Variants in OTUD4 observed in about 807,000 individuals in gnomAD.
The protein encoded by OTUD4 is OTU domain-containing protein 4.
Under a neutral mutation model 130.4 loss-of-function variants are expected in OTUD4, and 24 were observed. That is an observed-to-expected ratio of 0.18 (90% CI 0.13 to 0.26). The LOEUF is 0.26. Ranked by LOEUF, OTUD4 falls within the 10% of genes least tolerant of loss-of-function variation. The pLI is 1.00. For synonymous variants in OTUD4, 420 were observed against 472.5 expected (o/e 0.89, Z 1.44); for missense variants, 1,031 against 1,329.4 (o/e 0.78, Z 3.49).
At chr4:145,138,787 T>G in intron 20 of OTUD4, 137 bp from the exon 21 acceptor site, 1 of 683,732 alleles carries the variant, frequency 1.5e-6, no homozygotes. Flanking sequence ...GTCCAAATAC[T>G]AAATCACTGT....
At chr4:145,144,653 A>G (rs939071640) in intron 14 of OTUD4, among the ~76,000 whole-genome samples, 1 of 152,198 alleles carries the variant, frequency 6.6e-6, no homozygotes, top group South Asian at 2.1e-4. Flanking sequence ...TTAAGCAATC[A>G]GATTTCAACT....
intron 13 of OTUD4, among the ~76,000 whole-genome samples, chr4:145,148,004 T>C (rs1750900967): frequency 1.3e-5 from 2 of 152,234 alleles, no homozygotes; most frequent in Non-Finnish European, 2.9e-5. Context: ...ACTAACCTAA[T>C]GACAAACTGC....
chr4:145,155,493 G>C lies in OTUD4; in HGVS notation c.809-18C>G. Reference sequence around the variant, plus strand: ...TTGCTGAGCTGTTAAAAAAAAAAAGGTCAGTATAATATAAAGTTGACTTAT... The same window carrying C: ...TTGCTGAGCTGTTAAAAAAAAAAAGCTCAGTATAATATAAAGTTGACTTAT... On this transcript the variant is annotated intron_variant, in intron 9 of 20. Transcript: ENST00000447906. 1 of 1,599,368 alleles carries C rather than the reference G, an allele frequency of 6.3e-7. No homozygotes were observed. The highest frequency in any genetic ancestry group is 1.1e-5 in the South Asian group (1 of 88,444).
At chr4:145,154,281 A>G (rs1228649663) in intron 10 of OTUD4, among the ~76,000 whole-genome samples, 2 of 152,220 alleles carry the variant, frequency 1.3e-5, no homozygotes, top group South Asian at 4.1e-4. Flanking sequence ...TGACAATCCC[A>G]TAAGGCAGTA....
chr4:145,138,592 T>C lies in OTUD4; in HGVS notation c.2183A>G (p.Tyr728Cys), dbSNP rs1165860202. 16 of 1,613,646 alleles carry C rather than the reference T, an allele frequency of 9.9e-6. No homozygotes were observed. Among genetic ancestry groups the C allele is most frequent in the Non-Finnish European group, 1.1e-5 (13 of 1,179,776 alleles). The change falls in exon 21 of 21, where the codon TAC (tyrosine) becomes TGC (cysteine). Residue 728 changes from tyrosine to cysteine, a missense_variant. This residue lies in a region of OTUD4 where 900 missense variants were observed against 1,095.9 expected (regional missense o/e 0.82). Transcript: ENST00000447906. ...TGGGTACATCCTGCAGGCTGCCAGGTAGGCCTGGTGCAGAGGGTACAGGTA... is the reference window on the plus strand; with the variant it reads ...TGGGTACATCCTGCAGGCTGCCAGGCAGGCCTGGTGCAGAGGGTACAGGTA... ...HSYLYPLHQA[Y>C]LAACRMYPKV... is the part of the protein sequence containing the mutation.
chr4:145,134,968 T>C lies in OTUD4; in HGVS notation c.*2462A>G. 2 of 398,100 alleles carry C rather than the reference T, an allele frequency of 5.0e-6. No individual in the cohort carries two copies. Among genetic ancestry groups the C allele is most frequent in the African/African-American group, 2.1e-5 (1 of 48,730 alleles). The allele number at this position is 398,100 out of a possible 1,614,324, so 24.7% of individuals were successfully genotyped here. The stretch of plus-strand genomic sequence containing the variant: ...GCCTCTATTCTCTTATAAAGAAATA[T>C]GTCAACATAACAGTATGACATAACA... On this transcript the variant is annotated 3_prime_UTR_variant, in exon 21 of 21. Coordinates refer to ENST00000447906, the MANE Select transcript of OTUD4 (RefSeq NM_001366057.1).
chr4:145,145,501 G>A (rs897802709), intron 14 of OTUD4, among the ~76,000 whole-genome samples: 4 of 151,946 alleles, frequency 2.6e-5, no homozygotes, highest in Non-Finnish European at 4.4e-5. Context: ...GTTTTATACT[G>A]GTATACTGGG....
rs1750354608 is a variant in OTUD4 at position 145,137,807 on chromosome 4, C to T, written c.2968G>A (p.Glu990Lys). 2 of 1,614,014 alleles carry T rather than the reference C, an allele frequency of 1.2e-6. No homozygotes were observed. Among genetic ancestry groups the T allele is most frequent in the Non-Finnish European group, 1.7e-6 (2 of 1,180,002 alleles). ...EPKRTIQSLK[E>K]KTEKVKDPKT... ...GGATCTTTTACTTTTTCTGTTTTTT[C>T]TTTCAGGCTTTGAATGGTCCTTTTA... Residue 990 changes from glutamate (E) to lysine (K), a missense_variant, in exon 21 of 21, where the codon GAA (glutamate) becomes AAA (lysine). Around this residue, in one of 3 missense-constraint regions of OTUD4, gnomAD observed 900 missense variants for 1,095.9 expected, o/e 0.82. Coordinates refer to ENST00000447906, the MANE Select transcript of OTUD4 (RefSeq NM_001366057.1).
At chr4:145,163,367 C>T (rs541823233) in intron 5 of OTUD4, among the ~76,000 whole-genome samples, 42 of 152,280 alleles carry the variant, frequency 2.8e-4, no homozygotes, top group African/African-American at 8.9e-4. Flanking sequence ...TATAATAAGT[C>T]AGTTGATCTT....
rs143751740 is a variant in OTUD4 at position 145,141,420 on chromosome 4, G to T, written c.2042C>A (p.Pro681Gln). 2.2e-5 allele frequency: 35 copies of T among 1,613,330 alleles called. No individual in the cohort carries two copies. Among genetic ancestry groups the T allele is most frequent in the Non-Finnish European group, 2.9e-5 (34 of 1,179,596 alleles). ...CNEKGDRAIV[P>Q]PYSLCQTGED... ...CCCAGTCTGACACAGTGAATAAGGTGGTACAATGGCTCGATCTCCCTTTTC... is the reference window on the plus strand; with the variant it reads ...CCCAGTCTGACACAGTGAATAAGGTTGTACAATGGCTCGATCTCCCTTTTC... The change falls in exon 19 of 21, where the codon CCA becomes CAA. Residue 681 changes from proline (P) to glutamine (Q), a missense_variant. Physicochemically the swap from Pro to Gln is moderately conservative, Grantham distance 76. Around this residue, in one of 3 missense-constraint regions of OTUD4, gnomAD observed 900 missense variants for 1,095.9 expected, o/e 0.82. Transcript: ENST00000447906.
At chr4:145,174,879 G>C (rs868634004) in intron 1 of OTUD4, 135 bp from the exon 2 acceptor site, 1 of 608,696 alleles carries the variant, frequency 1.6e-6, no homozygotes, top group African/African-American at 1.8e-5. Flanking sequence ...CTATAATTTC[G>C]ATATCTTTAC....
intron 16 of OTUD4, 83 bp from the exon 17 acceptor site, chr4:145,143,528 C>A: frequency 1.3e-6 from 1 of 777,712 alleles, no homozygotes; most frequent in Non-Finnish European, 2.2e-6. Flanking sequence ...TATAATTCAC[C>A]CTACCTGTAT....
Position 145,141,634 on chromosome 4 carries a change from G to A in OTUD4, c.1828C>T (p.Pro610Ser). 2 of 1,524,286 alleles carry A rather than the reference G, an allele frequency of 1.3e-6. No individual in the cohort carries two copies. The highest frequency in any genetic ancestry group is 1.8e-6 in the Non-Finnish European group (2 of 1,137,494). 94.4% of individuals were successfully genotyped at this position (1,524,286 alleles called of 1,614,324 possible). ...ACTGACAAAACGGGAATTGGAGCAGGGACACCTACAAAAGAGAAGAAAAGG... is the reference window on the plus strand; with the variant it reads ...ACTGACAAAACGGGAATTGGAGCAGAGACACCTACAAAAGAGAAGAAAAGG... ...EPTTFGPTGV[P>S]APIPVLSVTQ... Residue 610 changes from proline (P) to serine (S), a missense_variant, in exon 19 of 21, where the codon CCT (proline) becomes TCT (serine). Around this residue, in one of 3 missense-constraint regions of OTUD4, gnomAD observed 900 missense variants for 1,095.9 expected, o/e 0.82. Transcript: ENST00000447906.
At chr4:145,142,915 G>A (rs1750633568) in intron 17 of OTUD4, among the ~76,000 whole-genome samples, 1 of 151,926 alleles carries the variant, frequency 6.6e-6, no homozygotes, top group Non-Finnish European at 1.5e-5. Context: ...TTTGTAAATT[G>A]GTATTTTTTT....
intron 5 of OTUD4, among the ~76,000 whole-genome samples, chr4:145,163,010 G>A (rs904299489): frequency 5.3e-5 from 8 of 152,008 alleles, no homozygotes; most frequent in Non-Finnish European, 8.8e-5. Context: ...TAAAGAACAA[G>A]ACACTGTAAG....
At chr4:145,156,450 C>A (rs932492426) in intron 7 of OTUD4, among the ~76,000 whole-genome samples, 11 of 152,118 alleles carry the variant, frequency 7.2e-5, no homozygotes, top group Non-Finnish European at 1.6e-4. Flanking sequence ...TTGGGAGGCA[C>A]AGGCAGGCAG....
chr4:145,143,307 CAG>C (rs1484479107), intron 17 of OTUD4, 56 bp downstream of exon 17: 2 of 1,080,070 alleles, frequency 1.9e-6, no homozygotes, highest in Non-Finnish European at 2.8e-6. Context: ...ACCCTATACA[CAG>C]AGCACAGAAA....
intron 2 of OTUD4, among the ~76,000 whole-genome samples, chr4:145,173,053 CT>C (rs764539568): frequency 2.2e-4 from 34 of 152,308 alleles, no homozygotes; most frequent in Non-Finnish European, 2.1e-4. Context: ...GAAAGTGAAA[CT>C]TTTCCCCATG....
At position 145,180,478 on chromosome 4, in the gene OTUD4, C is replaced by T. The variant is rs112109843; in HGVS notation, c.-505G>A. Among the ~76,000 whole-genome samples, 719 of 152,378 alleles carry T rather than the reference C, an allele frequency of 4.7e-3. 2 individuals are homozygous for T. The highest frequency in any genetic ancestry group is 0.014 in the Middle Eastern group (4 of 294). ...AAGACGCGGCCTTTCGTTTCCCCAC[C>T]TCGCTGGAGGGCGCCGGAGGGGCAG... is the stretch of plus-strand genomic sequence containing the variant. On this transcript the variant is annotated 5_prime_UTR_variant, in exon 1 of 21. Transcript: ENST00000447906.
Sources: gnomAD v4.1 joint callset for allele counts (sites outside exome capture counted in the v4.1 genomes callset) on GRCh38, gnomAD v4.1.1 for gene constraint, gnomAD v4.1.1 regional missense constraint, MANE v1.5 for transcripts, NCBI Gene and HGNC (gene_info 2026-07-23, HGNC 2026-07-21) for gene names.